Variants in SLF2 observed in about 807,000 individuals in gnomAD.
The protein encoded by SLF2 is SMC5-SMC6 complex localization factor protein 2.
In SLF2, 68 loss-of-function variants were observed where a neutral mutation model predicts 124.3. The observed-to-expected ratio is 0.55, with a 90% confidence interval of 0.45 to 0.67. The LOEUF (loss-of-function observed/expected upper bound fraction) is 0.67. Among genes scored for constraint, SLF2 ranks in the 30% least tolerant of loss-of-function variants. The pLI, the probability that SLF2 is intolerant of heterozygous loss-of-function variation, is 0.00. For synonymous variants in SLF2, 480 were observed against 478.8 expected (o/e 1.00, Z -0.03); for missense variants, 1,246 against 1,373.7 (o/e 0.91, Z 1.47).
rs1849348973 is a variant in SLF2 at position 100,913,158 on chromosome 10, A to G, written c.48A>G (p.Pro16=). ...MPARPGFPSS[P]APGSSPPRCH... is the part of the protein sequence containing the mutation. The stretch of plus-strand genomic sequence containing the variant: ...CTAGGCCAGGTTTCCCCTCATCCCC[A>G]GCCCCGGGGTCGTCGCCCCCGCGCT... The change falls in exon 1 of 20, where the codon CCA becomes CCG. Residue 16 remains proline, a synonymous_variant. Transcript: ENST00000238961. 31 of 1,611,310 alleles carry G rather than the reference A, an allele frequency of 1.9e-5. No individual in the cohort carries two copies. The highest frequency in any genetic ancestry group is 2.6e-5 in the Non-Finnish European group (31 of 1,178,980).
At chr10:100,948,173 G>T (rs903836837) in intron 15 of SLF2, among the ~76,000 whole-genome samples, 1 of 152,192 alleles carries the variant, frequency 6.6e-6, no homozygotes, top group Non-Finnish European at 1.5e-5. Context: ...TTCCAAGTTA[G>T]CAATTTTATC....
chr10:100,961,624 G>A (rs1850429208), intron 19 of SLF2, among the ~76,000 whole-genome samples: 1 of 152,036 alleles, frequency 6.6e-6, no homozygotes, highest in South Asian at 2.1e-4. Context: ...TATTTAATCT[G>A]CTTAACTAAG....
chr10:100,956,366 G>A, intron 17 of SLF2, 85 bp from the exon 18 acceptor site: 1 of 936,650 alleles, frequency 1.1e-6, no homozygotes, highest in Non-Finnish European at 1.7e-6. Context: ...ATTTTTAAAT[G>A]ATTTAGTTGT....
chr10:100,924,376 AAT>A lies in SLF2; in HGVS notation c.1377_1378del (p.Asn459LysfsTer4). 1 of 1,613,932 alleles carries A rather than the reference AAT, an allele frequency of 6.2e-7. No homozygotes were observed. The highest frequency in any genetic ancestry group is 8.5e-7 in the Non-Finnish European group (1 of 1,179,996). On this transcript the variant is annotated frameshift_variant, in exon 5 of 20. Transcript: ENST00000238961. LOFTEE classifies it high-confidence loss of function. ...TAAAAAAGCTAGCAACCTTCAGAAA[AAT>A]AAAACCGCTAGCTCCACGACAAAGG... is the stretch of plus-strand genomic sequence containing the variant. ...AIKKASNLQK[N>X]KTASSTTKEK...
rs112335880 is a variant in SLF2 at position 100,939,676 on chromosome 10, T to TA, written c.2654+952dup. ...CTGGGTGACAGAGTGAGACTCCATC[T>TA]AAAAAAAAAAAAGGAAACTGGTTAC... On this transcript the variant is annotated intron_variant, in intron 11 of 19. Transcript: ENST00000238961. Among the ~76,000 whole-genome samples, 1,176 of 138,222 alleles carry TA rather than the reference T, an allele frequency of 8.5e-3. 13 individuals are homozygous for TA. The highest frequency in any genetic ancestry group is 0.033 in the Middle Eastern group (9 of 272). The allele number at this position is 138,222 out of a possible 152,430, so 90.7% of individuals were successfully genotyped here.
chr10:100,959,935 C>G (rs189883081), intron 19 of SLF2, among the ~76,000 whole-genome samples: 1 of 152,324 alleles, frequency 6.6e-6, no homozygotes, highest in East Asian at 1.9e-4. Flanking sequence ...ATTCCCCTTT[C>G]CTCTACTACC....
Position 100,936,231 on chromosome 10 carries a change from C to A in SLF2, c.2437-1171C>A, listed in dbSNP as rs556513383. ...GACTGCTTTCCTCTTTTCTAGTATT[C>A]TTATGAATACTAGAAAATCGATAAT... On this transcript the variant is annotated intron_variant, in intron 9 of 19. Coordinates refer to ENST00000238961, the MANE Select transcript of SLF2 (RefSeq NM_018121.4). Among the ~76,000 whole-genome samples, 3 of 151,906 alleles carry A rather than the reference C, an allele frequency of 2.0e-5. No homozygotes were observed. The East Asian group carries it at 5.8e-4, about 29-fold the overall frequency.
intron 9 of SLF2, among the ~76,000 whole-genome samples, chr10:100,936,548 G>A (rs947939522): frequency 2.0e-5 from 3 of 151,820 alleles, no homozygotes; most frequent in Non-Finnish European, 2.9e-5. Flanking sequence ...TGTTAGCCAG[G>A]ATGGTCTCGA....
intron 1 of SLF2, among the ~76,000 whole-genome samples, chr10:100,914,457 T>G (rs549260386): frequency 6.6e-6 from 1 of 152,276 alleles, no homozygotes; most frequent in African/African-American, 2.4e-5. Flanking sequence ...CTCTTTCTGG[T>G]GTATTAATCA....
At position 100,963,436 on chromosome 10, in the gene SLF2, G is replaced by T. The variant is rs1443790194; in HGVS notation, c.*1524G>T. 1.3e-5 allele frequency: 2 copies of T among 152,550 alleles called. No individual in the cohort carries two copies. Among genetic ancestry groups the T allele is most frequent in the African/African-American group, 4.8e-5 (2 of 41,418 alleles). 9.4% of individuals were successfully genotyped at this position (152,550 alleles called of 1,614,324 possible). On this transcript the variant is annotated 3_prime_UTR_variant, in exon 20 of 20. Transcript: ENST00000238961. The stretch of plus-strand genomic sequence containing the variant: ...GTCAGACCAACAAAAGTTTTATTCT[G>T]TGTTGTTTACTGGTAAGAATATTAT...
intron 1 of SLF2, 126 bp downstream of exon 1, chr10:100,913,376 C>G: frequency 1.5e-6 from 2 of 1,366,018 alleles, no homozygotes; most frequent in Non-Finnish European, 1.9e-6. Context: ...ATTTCGGGGC[C>G]TGGCAAATCC....
Position 100,956,469 on chromosome 10 carries a change from T to C in SLF2, c.3349T>C (p.Cys1117Arg), listed in dbSNP as rs1362463252. The change falls in exon 18 of 20, where the codon TGT (cysteine) becomes CGT (arginine). Residue 1117 changes from cysteine to arginine, a missense_variant. Cys to Arg is a radical substitution (Grantham distance 180). Around this residue, in one of 3 missense-constraint regions of SLF2, gnomAD observed 535 missense variants for 632.8 expected, o/e 0.85. Transcript: ENST00000238961. The part of the protein sequence containing the change: ...SGQRKHFVLL[C>R]GALEKHVKCD... Reference sequence around the variant, plus strand: ...TGCACAGAAACACTTTGTGCTACTCTGTGGGGCTTTGGAAAAGCATGTTAA... The same window carrying C: ...TGCACAGAAACACTTTGTGCTACTCCGTGGGGCTTTGGAAAAGCATGTTAA... 2 of 1,613,298 alleles carry C rather than the reference T, an allele frequency of 1.2e-6. No individual in the cohort carries two copies. Among genetic ancestry groups the C allele is most frequent in the African/African-American group, 2.7e-5 (2 of 74,878 alleles).
intron 18 of SLF2, among the ~76,000 whole-genome samples, chr10:100,958,786 A>C (rs1416395826): frequency 6.6e-6 from 1 of 152,250 alleles, no homozygotes; most frequent in Non-Finnish European, 1.5e-5. Context: ...TTTCTCAAGC[A>C]GTTATGTTCA....
At chr10:100,929,690 A>T in intron 7 of SLF2, 140 bp from the exon 8 acceptor site, 1 of 701,222 alleles carries the variant, frequency 1.4e-6, no homozygotes, top group Non-Finnish European at 2.3e-6. Context: ...GGAAGAAGCA[A>T]AGCATACTTT....
intron 4 of SLF2, among the ~76,000 whole-genome samples, chr10:100,920,338 T>A (rs1849500929): frequency 6.6e-6 from 1 of 152,236 alleles, no homozygotes; most frequent in Non-Finnish European, 1.5e-5. Context: ...TTCCTGGATT[T>A]GCAAATTTCA....
intron 1 of SLF2, among the ~76,000 whole-genome samples, chr10:100,915,457 A>G (rs549023404): frequency 3.3e-5 from 5 of 152,254 alleles, no homozygotes; most frequent in African/African-American, 7.2e-5. Context: ...TTGCCATTCT[A>G]CCATCTACTG....
intron 17 of SLF2, among the ~76,000 whole-genome samples, chr10:100,955,615 A>G (rs1850314806): frequency 6.6e-6 from 1 of 152,072 alleles, no homozygotes; most frequent in South Asian, 2.1e-4. Context: ...TTTAAAAATT[A>G]AAAAAATATT....
In SLF2 at chr10:100,959,385, A is replaced by T. The variant is rs541450294; in HGVS notation, c.3418-43A>T. Reference sequence around the variant, plus strand: ...AGTGTTAAGCTGATTGTAGGTGAGAATGTTTTAATCTGATCCCTTTTCCTG... The same window carrying T: ...AGTGTTAAGCTGATTGTAGGTGAGATTGTTTTAATCTGATCCCTTTTCCTG... On this transcript the variant is annotated intron_variant, in intron 18 of 19. Coordinates refer to ENST00000238961, the MANE Select transcript of SLF2 (RefSeq NM_018121.4). The T allele has an allele frequency of 1.9e-6, 3 of 1,558,406 alleles. No individual in the cohort carries two copies. The Admixed American group carries it at 5.9e-5, about 31-fold the overall frequency.
chr10:100,917,868 T>G (rs751457530), intron 3 of SLF2, among the ~76,000 whole-genome samples: 60 of 152,252 alleles, frequency 3.9e-4, no homozygotes, highest in Middle Eastern at 3.4e-3. Flanking sequence ...TTGCTTGAGC[T>G]CAGGAGTTTG....
Sources: allele counts gnomAD v4.1 joint callset (sites outside exome capture counted in the v4.1 genomes callset), GRCh38; gene constraint gnomAD v4.1.1; regional missense constraint gnomAD v4.1.1; transcripts MANE v1.5; gene names NCBI Gene and HGNC (gene_info 2026-07-23, HGNC 2026-07-21).